ECE2: variants seen among roughly 807,000 people sequenced by gnomAD.
ECE2 encodes endothelin-converting enzyme 2.
Under a neutral mutation model 100.6 loss-of-function variants are expected in ECE2, and 81 were observed. The observed-to-expected ratio is 0.81, with a 90% CI of 0.67 to 0.97. The LOEUF (loss-of-function observed/expected upper bound fraction) is 0.97, where lower values mean the gene tolerates loss of function less well. Ranked by LOEUF, ECE2 falls within the 50% of genes least tolerant of loss-of-function variation. The pLI is 0.00. For missense variants in ECE2, 911 were observed against 988.1 expected, an observed-to-expected ratio of 0.92 and a Z score of 1.05; for synonymous variants, 391 against 391.5, an observed-to-expected ratio of 1.00 and a Z score of 0.02.
chr3:184,276,266 G>T (rs1410592714), intron 1 of ECE2, 74 bp downstream of exon 1: 1 of 1,431,832 alleles, frequency 7.0e-7, no homozygotes. Context: ...GGCCGCGGAG[G>T]GGCAGGCGGT....
Position 184,283,991 on chromosome 3 carries a change from C to T in ECE2, c.1005+18C>T. The T allele has an allele frequency of 2.5e-6, 4 of 1,612,132 alleles. No individual in the cohort carries two copies. The highest frequency in any genetic ancestry group is 3.4e-6 in the Non-Finnish European group (4 of 1,179,316). On this transcript the variant is annotated intron_variant, in intron 8 of 18. Transcript: ENST00000404464. ...AGCTGCAGGTGGGGCAGGCAGGGGG[C>T]TGGAGACAACTGAGAGGGGCCAGCC...
chr3:184,287,288 AAAG>A (rs1289465193), intron 10 of ECE2, among the ~76,000 whole-genome samples: 1 of 151,530 alleles, frequency 6.6e-6, no homozygotes, highest in Non-Finnish European at 1.5e-5. Context: ...AAAAAAAAAA[AAAG>A]AAGTCAAAGT....
intron 15 of ECE2, 59 bp downstream of exon 15, chr3:184,290,726 G>A: frequency 6.2e-7 from 1 of 1,612,402 alleles, no homozygotes; most frequent in South Asian, 1.1e-5. Context: ...TGAGCTGGGA[G>A]CAGGGCTGGA....
chr3:184,277,396 T>A lies in ECE2; in HGVS notation c.408T>A (p.Asp136Glu), dbSNP rs1299954131. Residue 136 changes from aspartate to glutamate, a missense_variant, in exon 4 of 19, where the codon GAT becomes GAA. By Grantham distance (45) the Asp-to-Glu change is conservative. Transcript: ENST00000404464. The part of the protein sequence containing the change: ...GGWIRRNPLP[D>E]GRSRWNTFNS... ...GGATTCGGAGGAACCCCCTGCCCGA[T>A]GGGCGTTCTCGCTGGAACACCTTCA... The A allele has an allele frequency of 1.9e-6, 3 of 1,614,244 alleles. No homozygotes were observed. Among genetic ancestry groups the A allele is most frequent in the Non-Finnish European group, 2.5e-6 (3 of 1,180,038 alleles).
Position 184,285,141 on chromosome 3 carries a change from G to A in ECE2, c.1148+36G>A, listed in dbSNP as rs763480535. On this transcript the variant is annotated intron_variant, in intron 9 of 18. Transcript: ENST00000404464. ...AGCCCAGGGTGAGGGTGGGTTCTGT[G>A]GAGGTCTCCAGCAAGGCTGGGCATA... The A allele has an allele frequency of 4.4e-6, 7 of 1,601,410 alleles. 1 individual carries two copies. The East Asian group carries it at 1.6e-4, about 36-fold the overall frequency.
At chr3:184,277,053 G>T (rs756167526) in intron 3 of ECE2, 26 bp downstream of exon 3, 2 of 1,613,462 alleles carry the variant, frequency 1.2e-6, no homozygotes, top group Middle Eastern at 1.6e-4. Context: ...CTCTTCGTCA[G>T]TATTCATAAC....
rs542748404 is a variant in ECE2 at position 184,276,306 on chromosome 3, C to A, written c.39+114C>A. ...GGCTCGCGGAGGTAAGGCTGCCTCC[C>A]GGGCCTGGTGGAGGGGTGATAGAGA... On this transcript the variant is annotated intron_variant, in intron 1 of 18. Coordinates refer to ENST00000404464, the MANE Select transcript of ECE2 (RefSeq NM_001100121.2). 7.7e-5 allele frequency: 106 copies of A among 1,384,708 alleles called. No homozygotes were observed. In the African/African-American group the frequency reaches 1.3e-3, roughly 17 times the overall value. 85.8% of individuals were successfully genotyped at this position (1,384,708 alleles called of 1,614,324 possible).
At chr3:184,287,698 A>G in intron 10 of ECE2, 139 bp from the exon 11 acceptor site, 1 of 680,190 alleles carries the variant, frequency 1.5e-6, no homozygotes, top group East Asian at 2.7e-5. Context: ...CTGTCTCAAA[A>G]AAAGACAGAT....
Position 184,291,037 on chromosome 3 carries a change from C to A in ECE2, c.1835-3C>A. ...GTGGGGTGCAAAGGTGAGTTCTCCTCAGGGCGCGAGTATGACAAAGAAGGG... is the reference window on the plus strand; with the variant it reads ...GTGGGGTGCAAAGGTGAGTTCTCCTAAGGGCGCGAGTATGACAAAGAAGGG... On this transcript the variant is annotated splice_polypyrimidine_tract_variant and splice_region_variant and intron_variant, in intron 16 of 18. Coordinates refer to ENST00000404464, the MANE Select transcript of ECE2 (RefSeq NM_001100121.2). The surrounding 1 kb of genome is among the most constrained non-coding windows in gnomAD (Gnocchi z 4.1). The A allele has an allele frequency of 1.3e-6, 2 of 1,559,684 alleles. No individual in the cohort carries two copies. Among genetic ancestry groups the A allele is most frequent in the Non-Finnish European group, 1.7e-6 (2 of 1,151,958 alleles).
intron 14 of ECE2, 56 bp downstream of exon 14, chr3:184,290,414 G>A: frequency 6.3e-7 from 1 of 1,588,216 alleles, no homozygotes; most frequent in South Asian, 1.1e-5. Context: ...GTGGGGGAAG[G>A]TTCCTGGGAT....
chr3:184,291,448 C>T lies in ECE2; in HGVS notation c.2121+9C>T. ...TCGTGGGATTTGCCCAGGTATCACC[C>T]TCTCGGAAGGCCTGGGGTCTGCCCC... On this transcript the variant is annotated intron_variant, in intron 18 of 18. Transcript: ENST00000404464. The surrounding 1 kb of genome is among the most constrained non-coding windows in gnomAD (Gnocchi z 4.1). 1 of 1,571,578 alleles carries T rather than the reference C, an allele frequency of 6.4e-7. No homozygotes were observed. The highest frequency in any genetic ancestry group is 8.6e-7 in the Non-Finnish European group (1 of 1,159,058).
In ECE2 at chr3:184,278,403, C is replaced by A; in HGVS notation, c.751-89C>A. 3 of 1,586,254 alleles carry A rather than the reference C, an allele frequency of 1.9e-6. No homozygotes were observed. In the Admixed American group the frequency reaches 5.1e-5, roughly 27 times the overall value. On this transcript the variant is annotated intron_variant, in intron 6 of 18. Transcript: ENST00000404464. ...CCTGTGACAGGCAGGCTGGGCTGACCCCCCGGCCCCACCCCTACCCCCGCT... is the reference window on the plus strand; with the variant it reads ...CCTGTGACAGGCAGGCTGGGCTGACACCCCGGCCCCACCCCTACCCCCGCT...
rs1166194716 is a variant in ECE2 at position 184,277,953 on chromosome 3, A to G, written c.507A>G (p.Glu169=). 1 of 1,613,010 alleles carries G rather than the reference A, an allele frequency of 6.2e-7. No individual in the cohort carries two copies. The highest frequency in any genetic ancestry group is 1.7e-5 in the Admixed American group (1 of 60,012). ...LENTTFNSSS[E]AEQKTQRFYL... Reference sequence around the variant, plus strand: ...ACACCACCTTCAACTCCAGCAGTGAAGCTGAGCAGAAGACACAGCGCTTCT... The same window carrying G: ...ACACCACCTTCAACTCCAGCAGTGAGGCTGAGCAGAAGACACAGCGCTTCT... The change falls in exon 5 of 19, where the codon GAA becomes GAG. Residue 169 remains glutamate (E), a synonymous_variant. Coordinates refer to ENST00000404464, the MANE Select transcript of ECE2 (RefSeq NM_001100121.2).
At chr3:184,284,003 G>A in intron 8 of ECE2, 30 bp downstream of exon 8, 1 of 1,610,544 alleles carries the variant, frequency 6.2e-7, no homozygotes, top group Non-Finnish European at 8.5e-7. Flanking sequence ...GGAGACAACT[G>A]AGAGGGGCCA....
intron 4 of ECE2, 62 bp downstream of exon 4, chr3:184,277,528 T>A: frequency 6.5e-7 from 1 of 1,546,286 alleles, no homozygotes; most frequent in Non-Finnish European, 8.8e-7. Flanking sequence ...GCACAGGGCC[T>A]GGCACTTAGC....
At chr3:184,276,424 C>A in intron 1 of ECE2, 57 bp from the exon 2 acceptor site, 1 of 1,559,218 alleles carries the variant, frequency 6.4e-7, no homozygotes, top group South Asian at 1.2e-5. Flanking sequence ...GGGGCAGGGT[C>A]GTGGGCAAAT....
chr3:184,289,504 A>C lies in ECE2; in HGVS notation c.1442A>C (p.Asp481Ala), dbSNP rs1721213673. 1.9e-6 allele frequency: 3 copies of C among 1,612,662 alleles called. No homozygotes were observed. The highest frequency in any genetic ancestry group is 2.5e-6 in the Non-Finnish European group (3 of 1,179,472). ...GCCCTGGGACAGCTGGTTTGGATGG[A>C]TGAGAAGACCCGCCAGGCAGCCAAG... ...EEALGQLVWM[D>A]EKTRQAAKEK... The change falls in exon 12 of 19, where the codon GAT (aspartate) becomes GCT (alanine). Residue 481 changes from aspartate to alanine, a missense_variant. Asp to Ala is a moderately radical substitution (Grantham distance 126, BLOSUM62 -2). Transcript: ENST00000404464. This position sits in a 1 kb window ranked among gnomAD's most constrained non-coding sequence, Gnocchi z 4.1.
At chr3:184,277,542 T>G in intron 4 of ECE2, 76 bp downstream of exon 4, 1 of 1,482,638 alleles carries the variant, frequency 6.7e-7, no homozygotes, top group Non-Finnish European at 9.2e-7. Context: ...ACTTAGCAAA[T>G]AGGCAGTGTC....
rs1481595737 is a variant in ECE2 at position 184,290,000 on chromosome 3, G to A, written c.1552-255G>A. On this transcript the variant is annotated intron_variant, in intron 13 of 18. Transcript: ENST00000404464. The surrounding 1 kb of genome is among the most constrained non-coding windows in gnomAD (Gnocchi z 4.1). ...CTTAACAAAATCTCTCTAGGCCTTGGTTTCATTTTCTGTAAAATGGGGGTC... is the reference window on the plus strand; with the variant it reads ...CTTAACAAAATCTCTCTAGGCCTTGATTTCATTTTCTGTAAAATGGGGGTC... 1.3e-5 allele frequency among the ~76,000 whole-genome samples: 2 copies of A among 152,080 alleles called. No homozygotes were observed. Among genetic ancestry groups the A allele is most frequent in the East Asian group, 3.8e-4 (2 of 5,198 alleles).
Sources: allele counts gnomAD v4.1 joint callset (sites outside exome capture counted in the v4.1 genomes callset), GRCh38; gene constraint gnomAD v4.1.1; non-coding constraint Gnocchi (gnomAD v3.1); transcripts MANE v1.5; gene names NCBI Gene and HGNC (gene_info 2026-07-23, HGNC 2026-07-21).